BPIFB3: variants seen among roughly 807,000 people sequenced by gnomAD.
BPIFB3 encodes the protein BPI fold-containing family B member 3.
In BPIFB3, 49 loss-of-function variants were observed where a neutral mutation model predicts 53.1. That is an observed-to-expected ratio of 0.92 (90% CI 0.73 to 1.17). BPIFB3 has a LOEUF of 1.17. Among genes scored for constraint, BPIFB3 ranks in the 50% most tolerant of loss-of-function variants. The pLI is 0.00. For missense variants in BPIFB3, 628 were observed against 592.5 expected (o/e 1.06, Z -0.62); for synonymous variants, 271 against 269.6 (o/e 1.01, Z -0.05).
At chr20:33,059,509 C>T (rs759641221) in intron 3 of BPIFB3, 27 bp downstream of exon 4, 3 of 1,530,048 alleles carry the variant, frequency 2.0e-6, no homozygotes, top group Non-Finnish European at 2.7e-6. Flanking sequence ...GACCTCTACC[C>T]TCCTGCTTCC....
At chr20:33,067,108 C>A (rs1157835796) in intron 9 of BPIFB3, among the ~76,000 whole-genome samples, 1 of 152,218 alleles carries the variant, frequency 6.6e-6, no homozygotes, top group Non-Finnish European at 1.5e-5. Context: ...GGGCATTTAT[C>A]CTATGGAAAT....
intron 11 of BPIFB3, 132 bp downstream of exon 12, chr20:33,070,087 T>A: frequency 2.0e-6 from 2 of 986,926 alleles, no homozygotes; most frequent in Non-Finnish European, 3.2e-6. Flanking sequence ...CTCCTTGCCT[T>A]CAGGACCCGC....
chr20:33,062,402 C>T (rs1166837237), intron 5 of BPIFB3, among the ~76,000 whole-genome samples: 7 of 152,284 alleles, frequency 4.6e-5, no homozygotes, highest in Admixed American at 3.9e-4. Context: ...CACGGCCTAG[C>T]TGGCTCTCCC....
At chr20:33,060,213 G>A (rs918700801) in intron 4 of BPIFB3, among the ~76,000 whole-genome samples, 182 bp downstream of exon 5, 1 of 152,208 alleles carries the variant, frequency 6.6e-6, no homozygotes, top group Non-Finnish European at 1.5e-5. Context: ...ACCACTGACA[G>A]GGACTCCGGC....
rs764778155 is a variant in BPIFB3 at position 33,066,817 on chromosome 20, G to A, written c.925-7G>A. ...CTCACCAACCCTCTCTCCCATTGGG[G>A]GTCCAGGTTCCCAGCGATGTCCCAC... On this transcript the variant is annotated splice_region_variant and splice_polypyrimidine_tract_variant and intron_variant, in intron 8 of 14. Transcript: ENST00000375494. 6.2e-7 allele frequency: 1 copy of A among 1,614,044 alleles called. No individual in the cohort carries two copies. Among genetic ancestry groups the A allele is most frequent in the Non-Finnish European group, 8.5e-7 (1 of 1,179,906 alleles).
intron 5 of BPIFB3, 141 bp downstream of exon 6, chr20:33,061,972 T>A: frequency 1.0e-6 from 1 of 1,004,042 alleles, no homozygotes; most frequent in Non-Finnish European, 1.5e-6. Context: ...CATCCGGGCC[T>A]GCTGACCGGC....
exon 8 of BPIFB3, chr20:33,064,746 C>T (rs1215185083): frequency 1.2e-6 from 2 of 1,614,176 alleles, no homozygotes; most frequent in Non-Finnish European, 1.7e-6. Context: ...CCAAGAAGGA[C>T]CACACATCCC....
chr20:33,057,173 T>C (rs553796501), intron 2 of BPIFB3, among the ~76,000 whole-genome samples: 6 of 152,168 alleles, frequency 3.9e-5, no homozygotes, highest in Non-Finnish European at 5.9e-5. Context: ...GGACACAGTG[T>C]ATGCTCAAAA....
chr20:33,065,778 C>T (rs1044191489), intron 8 of BPIFB3, among the ~76,000 whole-genome samples: 1 of 152,160 alleles, frequency 6.6e-6, no homozygotes, highest in Admixed American at 6.5e-5. Flanking sequence ...ATTTTGGTCT[C>T]AGCCTGGGCT....
At chr20:33,054,769 A>G (rs1845835113), upstream of BPIFB3, among the ~76,000 whole-genome samples, 1 of 152,190 alleles carries the variant, frequency 6.6e-6, no homozygotes, top group Admixed American at 6.5e-5. Context: ...CAAATACGGA[A>G]CTGCTTAAAG....
chr20:33,059,324 G>C, intron 2 of BPIFB3, 54 bp from the exon 4 acceptor site: 2 of 1,413,872 alleles, frequency 1.4e-6, no homozygotes, highest in East Asian at 2.4e-5. Context: ...TCTGGGCGCC[G>C]CCTGGGCTGG....
intron 8 of BPIFB3, 34 bp downstream of exon 9, chr20:33,064,879 C>T (rs1036219680): frequency 6.3e-7 from 1 of 1,595,388 alleles, no homozygotes; most frequent in Non-Finnish European, 8.5e-7. Context: ...GGGATGGGGG[C>T]TCCTTGCCCT....
intron 10 of BPIFB3, among the ~76,000 whole-genome samples, chr20:33,069,286 T>C (rs1475165490): frequency 6.6e-6 from 1 of 152,058 alleles, no homozygotes; most frequent in Non-Finnish European, 1.5e-5. Flanking sequence ...CTGACGACCC[T>C]CCAGCTTCCT....
chr20:33,056,706 C>T lies in BPIFB3; in HGVS notation c.281+8C>T, dbSNP rs774715897. 1.3e-6 allele frequency: 2 copies of T among 1,569,848 alleles called. No individual in the cohort carries two copies. The highest frequency in any genetic ancestry group is 2.3e-5 in the East Asian group (1 of 44,192). On this transcript the variant is annotated splice_region_variant and intron_variant, in intron 2 of 14. Transcript: ENST00000375494. ...TGTCGAGGAGCTCTCTGGGTGAGTCCCACCTGCTGCATGCCCTACAGGAAG... is the reference window on the plus strand; with the variant it reads ...TGTCGAGGAGCTCTCTGGGTGAGTCTCACCTGCTGCATGCCCTACAGGAAG...
At chr20:33,067,144 AG>A (rs1386289225) in intron 9 of BPIFB3, among the ~76,000 whole-genome samples, 1 of 152,230 alleles carries the variant, frequency 6.6e-6, no homozygotes, top group Non-Finnish European at 1.5e-5. Context: ...CAAGGACAAA[AG>A]TCTTTTCAGG....
chr20:33,071,310 G>A lies in BPIFB3; in HGVS notation c.1260+15G>A. On this transcript the variant is annotated intron_variant, in intron 12 of 14. Transcript: ENST00000375494. Reference sequence around the variant, plus strand: ...ATGCCTTTGACGTAAGTTCCTGGGAGGGTGAGGGGCTTGGCAGTGATGAGA... The same window carrying A: ...ATGCCTTTGACGTAAGTTCCTGGGAAGGTGAGGGGCTTGGCAGTGATGAGA... The A allele has an allele frequency of 1.9e-6, 3 of 1,557,922 alleles. No individual in the cohort carries two copies. The highest frequency in any genetic ancestry group is 1.7e-6 in the Non-Finnish European group (2 of 1,149,716).
rs749967390 is a variant in BPIFB3 at position 33,055,561 on chromosome 20, G to A, written c.124+14G>A. Reference sequence around the variant, plus strand: ...AACTCGGCAAAGGTGAGCCCCAGGTGGGCAGTCTGTGAGGGGGCTGCTGCA... The same window carrying A: ...AACTCGGCAAAGGTGAGCCCCAGGTAGGCAGTCTGTGAGGGGGCTGCTGCA... On this transcript the variant is annotated intron_variant, in intron 1 of 14. Coordinates refer to ENST00000375494, the Ensembl canonical transcript of BPIFB3. The A allele has an allele frequency of 6.2e-7, 1 of 1,613,328 alleles. No individual in the cohort carries two copies. Among genetic ancestry groups the A allele is most frequent in the Admixed American group, 1.7e-5 (1 of 60,026 alleles).
chr20:33,057,010 G>A (rs775252644), intron 2 of BPIFB3, among the ~76,000 whole-genome samples: 5 of 152,090 alleles, frequency 3.3e-5, no homozygotes, highest in Non-Finnish European at 5.9e-5. Flanking sequence ...CCAGGTGTCC[G>A]CTCAAAAGAG....
At chr20:33,072,309 G>T in intron 13 of BPIFB3, 142 bp downstream of exon 14, 3 of 918,944 alleles carry the variant, frequency 3.3e-6, no homozygotes, top group Non-Finnish European at 5.2e-6. Context: ...CAGAAACTGA[G>T]GCACCAATTT....
Sources: gnomAD v4.1 joint callset for allele counts (sites outside exome capture counted in the v4.1 genomes callset) on GRCh38, gnomAD v4.1.1 for gene constraint, MANE v1.5 for transcripts, NCBI Gene and HGNC (gene_info 2026-07-23, HGNC 2026-07-21) for gene names.